Variants in ARFGAP1 observed in about 807,000 individuals in gnomAD.
ARFGAP1 encodes the protein ARF GTPase activating protein 1, also known as ADP-ribosylation factor GTPase-activating protein 1.
A neutral mutation model predicts 54.0 loss-of-function variants in ARFGAP1; 26 were observed. That is an observed-to-expected ratio of 0.48 (90% confidence interval 0.35 to 0.67). ARFGAP1 has a LOEUF of 0.67. Among genes scored for constraint, ARFGAP1 ranks in the 30% least tolerant of loss-of-function variants. The probability of loss-of-function intolerance (pLI) is 0.00; values close to 1 mark genes in which losing one functional copy is unlikely to be tolerated. For missense variants in ARFGAP1, 525 were observed against 535.8 expected (o/e 0.98, Z 0.20); for synonymous variants, 248 against 211.9 (o/e 1.17, Z -1.48).
rs1485802807 is a variant in ARFGAP1 at position 63,285,665 on chromosome 20, A to G, written c.786A>G (p.Gly262=). The part of the protein sequence containing the change: ...LKPAQEKVKE[G]KIFDDVSSGV... ...CTTCATCCGTGCAGGTGAAGGAGGG[A>G]AAGATTTTTGATGATGTCTCCAGTG... The change falls in exon 11 of 13, where the codon GGA becomes GGG. Residue 262 remains glycine (G), a synonymous_variant. Coordinates refer to ENST00000370283, the MANE Select transcript of ARFGAP1 (RefSeq NM_018209.4). The G allele has an allele frequency of 6.2e-7, 1 of 1,613,640 alleles. No homozygotes were observed. The highest frequency in any genetic ancestry group is 2.2e-5 in the East Asian group (1 of 44,878).
chr20:63,279,140 C>A, intron 7 of ARFGAP1, 145 bp downstream of exon 7: 1 of 806,082 alleles, frequency 1.2e-6, no homozygotes, highest in South Asian at 1.5e-5. Context: ...CCTTCAGCGA[C>A]GTTTTCTTTC....
intron 9 of ARFGAP1, chr20:63,283,962 G>T: frequency 1.9e-6 from 3 of 1,589,400 alleles, no homozygotes; most frequent in Non-Finnish European, 2.6e-6. Context: ...CCTGCGTGCT[G>T]CCACTGTCTT....
chr20:63,275,568 C>T lies in ARFGAP1; in HGVS notation c.-4-9C>T, dbSNP rs2067215198. 2 of 1,613,574 alleles carry T rather than the reference C, an allele frequency of 1.2e-6. No individual in the cohort carries two copies. The highest frequency in any genetic ancestry group is 1.1e-5 in the South Asian group (1 of 91,078). On this transcript the variant is annotated splice_polypyrimidine_tract_variant and intron_variant, in intron 1 of 12. Coordinates refer to ENST00000370283, the MANE Select transcript of ARFGAP1 (RefSeq NM_018209.4). ...GTAAGTTTAAAGTGTTTATTTTTCT[C>T]CTTTGCAGCATCATGGCCAGCCCAA...
intron 8 of ARFGAP1, among the ~76,000 whole-genome samples, 165 bp downstream of exon 8, chr20:63,281,512 G>A (rs1456927616): frequency 6.6e-6 from 1 of 152,150 alleles, no homozygotes; most frequent in Non-Finnish European, 1.5e-5. Context: ...GGGTGGTCCT[G>A]AGACCTTGGA....
At position 63,276,664 on chromosome 20, in the gene ARFGAP1, C is replaced by T. The variant is rs2067244347; in HGVS notation, c.342+13C>T. ...CTTTAGGGATAAGGTAGAGATGGGCCCGATTCACTCTTGCCCATGGTGTGG... is the reference window on the plus strand; with the variant it reads ...CTTTAGGGATAAGGTAGAGATGGGCTCGATTCACTCTTGCCCATGGTGTGG... On this transcript the variant is annotated intron_variant, in intron 4 of 12. Transcript: ENST00000370283. This position sits in a 1 kb window ranked among gnomAD's most constrained non-coding sequence, Gnocchi z 5.2. 1.3e-6 allele frequency: 2 copies of T among 1,591,356 alleles called. No individual in the cohort carries two copies. Among genetic ancestry groups the T allele is most frequent in the Non-Finnish European group, 1.7e-6 (2 of 1,167,280 alleles).
At chr20:63,280,167 T>C (rs775959326) in intron 7 of ARFGAP1, among the ~76,000 whole-genome samples, 9 of 152,348 alleles carry the variant, frequency 5.9e-5, no homozygotes, top group Non-Finnish European at 1.3e-4. Flanking sequence ...TTTTTATTCA[T>C]TGCAGCATTG....
rs1350318680 is a variant in ARFGAP1, at chr20:63,288,355, G to C, written c.*482G>C. The C allele has an allele frequency of 4.4e-6, 2 of 457,126 alleles. No individual in the cohort carries two copies. The highest frequency in any genetic ancestry group is 3.1e-5 in the South Asian group (2 of 64,532). The allele number at this position is 457,126 out of a possible 1,614,324, so 28.3% of individuals were successfully genotyped here. A position where few individuals can be genotyped will look rare whatever the true frequency, so the allele number is the denominator to read the frequency against. On this transcript the variant is annotated 3_prime_UTR_variant, in exon 13 of 13. Coordinates refer to ENST00000370283, the MANE Select transcript of ARFGAP1 (RefSeq NM_018209.4). ...TGACTGGAGTGGTAAAGATGGAAATGCTGGAAATGATACTGGCGCTCACGC... is the reference window on the plus strand; with the variant it reads ...TGACTGGAGTGGTAAAGATGGAAATCCTGGAAATGATACTGGCGCTCACGC...
chr20:63,286,805 G>A, intron 12 of ARFGAP1: 1 of 259,872 alleles, frequency 3.8e-6, no homozygotes, highest in East Asian at 9.5e-5. Flanking sequence ...AGGAGGAGCT[G>A]GCGCTGCTCT....
At chr20:63,280,359 C>T (rs1234463267) in intron 7 of ARFGAP1, among the ~76,000 whole-genome samples, 2 of 152,096 alleles carry the variant, frequency 1.3e-5, no homozygotes, top group Non-Finnish European at 2.9e-5. Context: ...CTCACTGTGG[C>T]CTGGAACCCT....
In ARFGAP1 at chr20:63,288,603, C is replaced by T. The variant is rs1052843636; in HGVS notation, c.*730C>T. 8 of 440,744 alleles carry T rather than the reference C, an allele frequency of 1.8e-5. No individual in the cohort carries two copies. The highest frequency in any genetic ancestry group is 1.2e-3 in the Middle Eastern group (2 of 1,654). The allele number at this position is 440,744 out of a possible 1,614,324, so 27.3% of individuals were successfully genotyped here. On this transcript the variant is annotated 3_prime_UTR_variant, in exon 13 of 13. Transcript: ENST00000370283. Reference sequence around the variant, plus strand: ...TGGAACACCCTGGAAGAAAAAGGAGCGCAGGGTGGGCCCTCGGCCCTGATG... The same window carrying T: ...TGGAACACCCTGGAAGAAAAAGGAGTGCAGGGTGGGCCCTCGGCCCTGATG...
At position 63,276,108 on chromosome 20, in the gene ARFGAP1, C is replaced by T. The variant is rs781585036; in HGVS notation, c.78C>T (p.Gly26=). The T allele has an allele frequency of 2.1e-5, 34 of 1,613,864 alleles. No individual in the cohort carries two copies. Among genetic ancestry groups the T allele is most frequent in the South Asian group, 2.0e-4 (18 of 91,082 alleles). ...QDENNVCFEC[G]AFNPQWVSVT... ...CTTTGCAGGTTTGTTTTGAGTGTGG[C>T]GCGTTCAATCCTCAGTGGGTCAGTG... is the stretch of plus-strand genomic sequence containing the variant. Residue 26 remains glycine, a synonymous_variant, in exon 3 of 13, where the codon GGC becomes GGT. Coordinates refer to ENST00000370283, the MANE Select transcript of ARFGAP1 (RefSeq NM_018209.4). This position sits in a 1 kb window ranked among gnomAD's most constrained non-coding sequence, Gnocchi z 5.2.
rs2067643124 is a variant in ARFGAP1, at chr20:63,289,016, C to T, written c.*1143C>T. On this transcript the variant is annotated 3_prime_UTR_variant, in exon 13 of 13. Transcript: ENST00000370283. Reference sequence around the variant, plus strand: ...CTGGAGCAGCCTGGGCCCTTCAGCCCCTGTGCTCGTCCCACCCTAGGGACT... The same window carrying T: ...CTGGAGCAGCCTGGGCCCTTCAGCCTCTGTGCTCGTCCCACCCTAGGGACT... 1 of 181,232 alleles carries T rather than the reference C, an allele frequency of 5.5e-6. No homozygotes were observed. Among genetic ancestry groups the T allele is most frequent in the Non-Finnish European group, 1.2e-5 (1 of 84,004 alleles). The allele number at this position is 181,232 out of a possible 1,614,324, so 11.2% of individuals were successfully genotyped here.
intron 7 of ARFGAP1, 82 bp downstream of exon 7, chr20:63,279,077 A>G: frequency 1.5e-6 from 2 of 1,363,540 alleles, no homozygotes; most frequent in Non-Finnish European, 2.1e-6. Flanking sequence ...GCAGTGTGGC[A>G]GTCCTGGAAC....
intron 8 of ARFGAP1, among the ~76,000 whole-genome samples, chr20:63,282,360 C>T (rs2067407464): frequency 6.6e-6 from 1 of 152,268 alleles, no homozygotes; most frequent in Non-Finnish European, 1.5e-5. Context: ...TTCTCCTCCC[C>T]CCGAGCTTTA....
chr20:63,281,855 C>G (rs1418348691), intron 8 of ARFGAP1, among the ~76,000 whole-genome samples: 1 of 152,152 alleles, frequency 6.6e-6, no homozygotes, highest in South Asian at 2.1e-4. Flanking sequence ...CATGGGCCCC[C>G]GGGGGCTGGG....
rs1190289375 is a variant in ARFGAP1, at chr20:63,287,841, A to G, written c.1189A>G (p.Thr397Ala). The G allele has an allele frequency of 6.4e-7, 1 of 1,566,808 alleles. No individual in the cohort carries two copies. The highest frequency in any genetic ancestry group is 1.9e-5 in the Admixed American group (1 of 53,956). Reference sequence around the variant, plus strand: ...GAAGGCAGTGCCGCCGGCCGTGCCCACTGATGATGGCTGGGACAACCAGAA... The same window carrying G: ...GAAGGCAGTGCCGCCGGCCGTGCCCGCTGATGATGGCTGGGACAACCAGAA... ...TKKAVPPAVP[T>A]DDGWDNQNW Residue 397 changes from threonine to alanine, a missense_variant, in exon 13 of 13, where the codon ACT becomes GCT. By Grantham distance (58) the Thr-to-Ala change is moderately conservative. This residue lies in a region of ARFGAP1 where 466 missense variants were observed against 453.6 expected (regional missense o/e 1.03). Coordinates refer to ENST00000370283, the MANE Select transcript of ARFGAP1 (RefSeq NM_018209.4).
intron 12 of ARFGAP1, chr20:63,286,663 T>C: frequency 1.8e-6 from 1 of 566,010 alleles, no homozygotes; most frequent in Admixed American, 3.1e-5. Flanking sequence ...TGTGGAGGCT[T>C]TCCGAGTGCT....
Position 63,288,701 on chromosome 20 carries a change from C to T in ARFGAP1, c.*828C>T, listed in dbSNP as rs972905286. ...AGGAGCTGAGCAGGGGATGCCTGTG[C>T]GTGGTGCCTGGGTCTAGGGAAGCTC... On this transcript the variant is annotated 3_prime_UTR_variant, in exon 13 of 13. Transcript: ENST00000370283. The T allele has an allele frequency of 3.4e-4, 123 of 358,944 alleles. No homozygotes were observed. The highest frequency in any genetic ancestry group is 6.3e-4 in the Non-Finnish European group (114 of 179,888). 22.2% of individuals were successfully genotyped at this position (358,944 alleles called of 1,614,324 possible).
At chr20:63,280,605 G>A (rs1355279367) in intron 7 of ARFGAP1, among the ~76,000 whole-genome samples, 1 of 152,280 alleles carries the variant, frequency 6.6e-6, no homozygotes, top group Non-Finnish European at 1.5e-5. Context: ...TGCACCTCTG[G>A]CCGCTGACGG....
Sources: gnomAD v4.1 joint callset for allele counts (sites outside exome capture counted in the v4.1 genomes callset) on GRCh38, gnomAD v4.1.1 for gene constraint, gnomAD v4.1.1 regional missense constraint, Gnocchi (gnomAD v3.1) non-coding constraint, MANE v1.5 for transcripts, NCBI Gene and HGNC (gene_info 2026-07-23, HGNC 2026-07-21) for gene names.